Variants in PCDHGB4 observed in about 807,000 individuals in gnomAD.
The protein encoded by PCDHGB4 is protocadherin gamma subfamily B, 4.
Under a neutral mutation model 60.5 loss-of-function variants are expected in PCDHGB4, and 38 were observed. That is an observed-to-expected ratio of 0.63 (90% CI 0.48 to 0.82). The LOEUF (loss-of-function observed/expected upper bound fraction) is 0.82, where lower values mean the gene tolerates loss of function less well. Among genes scored for constraint, PCDHGB4 ranks in the 40% least tolerant of loss-of-function variants. PCDHGB4 has a pLI of 0.00. For missense variants in PCDHGB4, 1,109 were observed against 1,209.6 expected (o/e 0.92, Z 1.23); for synonymous variants, 456 against 509.7 (o/e 0.89, Z 1.42).
Position 141,388,206 on chromosome 5 carries a change from G to C in PCDHGB4, c.322G>C (p.Ala108Pro). ...GCCAGCTTGTGCTCTGGAATTTGAGGCTGTTGCTGAAAATCCACTGAACTT... is the reference window on the plus strand; with the variant it reads ...GCCAGCTTGTGCTCTGGAATTTGAGCCTGTTGCTGAAAATCCACTGAACTT... Reference protein sequence around the residue: ...KKPACALEFEAVAENPLNFYH... With the variant: ...KKPACALEFEPVAENPLNFYH... Residue 108 changes from alanine to proline, a missense_variant, in exon 1 of 4, where the codon GCT becomes CCT. Coordinates refer to ENST00000519479, the MANE Select transcript of PCDHGB4 (RefSeq NM_003736.4). 4 of 1,578,262 alleles carry C rather than the reference G, an allele frequency of 2.5e-6. No homozygotes were observed. In the South Asian group the frequency reaches 4.5e-5, roughly 18 times the overall value.
At position 141,489,947 on chromosome 5, in the gene PCDHGB4, A is replaced by G. The variant is rs368977481; in HGVS notation, c.2398-4860A>G. The G allele has an allele frequency of 5.4e-5, 87 of 1,614,090 alleles. No individual in the cohort carries two copies. Among genetic ancestry groups the G allele is most frequent in the South Asian group, 6.6e-5 (6 of 91,094 alleles). ...ATCTCTGTCATCGTGCTGGACATCA[A>G]TGATAATGCTCCAACCTTCCAATCC... On this transcript the variant is annotated intron_variant, in intron 1 of 3. Transcript: ENST00000519479. This position sits in a 1 kb window ranked among gnomAD's most constrained non-coding sequence, Gnocchi z 4.5.
chr5:141,421,593 G>A lies in PCDHGB4; in HGVS notation c.2397+31312G>A, dbSNP rs780085355. ...CCTTGAAGATTTACGGAGTGGAGGTGGAAATAATAGATATTAATGATAACG... is the reference window on the plus strand; with the variant it reads ...CCTTGAAGATTTACGGAGTGGAGGTAGAAATAATAGATATTAATGATAACG... On this transcript the variant is annotated intron_variant, in intron 1 of 3. Coordinates refer to ENST00000519479, the MANE Select transcript of PCDHGB4 (RefSeq NM_003736.4). 6 of 1,613,840 alleles carry A rather than the reference G, an allele frequency of 3.7e-6. No individual in the cohort carries two copies. In the East Asian group the frequency reaches 1.1e-4, roughly 30 times the overall value.
In PCDHGB4 at chr5:141,511,036, G is replaced by T; in HGVS notation, c.2635G>T (p.Val879Leu). The T allele has an allele frequency of 1.2e-6, 2 of 1,614,200 alleles. No homozygotes were observed. The highest frequency in any genetic ancestry group is 1.7e-6 in the Non-Finnish European group (2 of 1,180,024). Residue 879 changes from valine to leucine, a missense_variant, in exon 4 of 4, where the codon GTG (valine) becomes TTG (leucine). This residue lies in a region of PCDHGB4 where 1,068 missense variants were observed against 1,089.9 expected (regional missense o/e 0.98). Transcript: ENST00000519479. ...RYGPQFTLQHVPDYRQNVYIP... is the reference protein window; with the variant it reads ...RYGPQFTLQHLPDYRQNVYIP... Reference sequence around the variant, plus strand: ...CGGACCCCAGTTCACCCTGCAGCACGTGCCCGACTACCGCCAGAATGTCTA... The same window carrying T: ...CGGACCCCAGTTCACCCTGCAGCACTTGCCCGACTACCGCCAGAATGTCTA...
rs752341952 is a variant in PCDHGB4 at position 141,431,380 on chromosome 5, T to C, written c.2397+41099T>C. 10 of 1,613,902 alleles carry C rather than the reference T, an allele frequency of 6.2e-6. No homozygotes were observed. The highest frequency in any genetic ancestry group is 8.5e-6 in the Non-Finnish European group (10 of 1,180,024). ...CCCTGGACCGCGAAGAAAAGGCTGCTCACCACCTGGTCCTTACGGCCTCCG... is the reference window on the plus strand; with the variant it reads ...CCCTGGACCGCGAAGAAAAGGCTGCCCACCACCTGGTCCTTACGGCCTCCG... On this transcript the variant is annotated intron_variant, in intron 1 of 3. Transcript: ENST00000519479. The surrounding 1 kb of genome is among the most constrained non-coding windows in gnomAD (Gnocchi z 4.8).
At chr5:141,393,976 A>G in intron 1 of PCDHGB4, 1 of 1,613,856 alleles carries the variant, frequency 6.2e-7, no homozygotes, top group Non-Finnish European at 8.5e-7. Flanking sequence ...TACACACGTG[A>G]TAATTTACCT....
chr5:141,404,736 A>G, intron 1 of PCDHGB4: 1 of 1,613,622 alleles, frequency 6.2e-7, no homozygotes, highest in Non-Finnish European at 8.5e-7. Context: ...GTGGCAGTGG[A>G]CAGAGACTCA....
Position 141,477,187 on chromosome 5 carries a change from G to A in PCDHGB4, c.2398-17620G>A, listed in dbSNP as rs2154575648. ...CCCCGGAGATCACAGTCACCTCCGT[G>A]TACAGCCCAGTACCCGAGGATGCCC... On this transcript the variant is annotated intron_variant, in intron 1 of 3. Coordinates refer to ENST00000519479, the MANE Select transcript of PCDHGB4 (RefSeq NM_003736.4). The surrounding 1 kb of genome is among the most constrained non-coding windows in gnomAD (Gnocchi z 4.9). The A allele has an allele frequency of 6.2e-7, 1 of 1,614,190 alleles. No individual in the cohort carries two copies. The highest frequency in any genetic ancestry group is 2.2e-5 in the East Asian group (1 of 44,874).
At chr5:141,430,781 C>T (rs559701152) in intron 1 of PCDHGB4, 6 of 1,510,922 alleles carry the variant, frequency 4.0e-6, no homozygotes, top group South Asian at 2.7e-5. Context: ...GCGACTGCAC[C>T]GGGACTACAA....
intron 1 of PCDHGB4, among the ~76,000 whole-genome samples, chr5:141,450,823 A>ATTT: frequency 7.5e-6 from 1 of 133,136 alleles, no homozygotes; most frequent in African/African-American, 2.9e-5. Flanking sequence ...TAATATTATT[A>ATTT]TTATTATTTT....
At chr5:141,460,453 A>G (rs1487816393) in intron 1 of PCDHGB4, among the ~76,000 whole-genome samples, 1 of 152,152 alleles carries the variant, frequency 6.6e-6, no homozygotes, top group Non-Finnish European at 1.5e-5. Flanking sequence ...ATGAAGATTC[A>G]TATTTTTTTC....
intron 1 of PCDHGB4, among the ~76,000 whole-genome samples, chr5:141,484,675 T>C (rs1179759392): frequency 6.6e-6 from 1 of 152,042 alleles, no homozygotes; most frequent in African/African-American, 2.4e-5. Context: ...GGGCCGCAGG[T>C]TGCTAGGGCT....
At chr5:141,467,110 T>C (rs2099137137) in intron 1 of PCDHGB4, among the ~76,000 whole-genome samples, 1 of 151,604 alleles carries the variant, frequency 6.6e-6, no homozygotes, top group Non-Finnish European at 1.5e-5. Context: ...TGGAGTACAA[T>C]GGTGCAATCT....
chr5:141,393,453 G>A lies in PCDHGB4; in HGVS notation c.2397+3172G>A, dbSNP rs373805221. On this transcript the variant is annotated intron_variant, in intron 1 of 3. Coordinates refer to ENST00000519479, the MANE Select transcript of PCDHGB4 (RefSeq NM_003736.4). ...GGCTGCTCACCACCTGGTCCTCACGGCCTCGGATGGCGGCAAGCCGCCTCG... is the reference window on the plus strand; with the variant it reads ...GGCTGCTCACCACCTGGTCCTCACGACCTCGGATGGCGGCAAGCCGCCTCG... 113 of 1,613,920 alleles carry A rather than the reference G, an allele frequency of 7.0e-5. 1 individual carries two copies. The highest frequency in any genetic ancestry group is 8.9e-5 in the Non-Finnish European group (105 of 1,179,908).
intron 1 of PCDHGB4, chr5:141,478,597 C>T: frequency 6.4e-7 from 1 of 1,567,010 alleles, no homozygotes; most frequent in Non-Finnish European, 8.7e-7. Flanking sequence ...TTTATTCCTA[C>T]ATCATATTGA....
At position 141,491,561 on chromosome 5, in the gene PCDHGB4, A is replaced by C. The variant is rs1289732955; in HGVS notation, c.2398-3246A>C. The C allele has an allele frequency of 1.2e-6, 2 of 1,613,938 alleles. No homozygotes were observed. Among genetic ancestry groups the C allele is most frequent in the Admixed American group, 3.3e-5 (2 of 60,016 alleles). On this transcript the variant is annotated intron_variant, in intron 1 of 3. Transcript: ENST00000519479. This position sits in a 1 kb window ranked among gnomAD's most constrained non-coding sequence, Gnocchi z 6.9. ...CCCACAGACTCGCAGAGCCACTGCT[A>C]CAGGACGTGCTTTTCACCGGCCTCG...
Position 141,489,941 on chromosome 5 carries a change from A to G in PCDHGB4, c.2398-4866A>G. Reference sequence around the variant, plus strand: ...ACCCTTATCTCTGTCATCGTGCTGGACATCAATGATAATGCTCCAACCTTC... The same window carrying G: ...ACCCTTATCTCTGTCATCGTGCTGGGCATCAATGATAATGCTCCAACCTTC... On this transcript the variant is annotated intron_variant, in intron 1 of 3. Transcript: ENST00000519479. The surrounding 1 kb of genome is among the most constrained non-coding windows in gnomAD (Gnocchi z 4.5). 1.2e-6 allele frequency: 2 copies of G among 1,614,228 alleles called. No homozygotes were observed. The highest frequency in any genetic ancestry group is 1.7e-6 in the Non-Finnish European group (2 of 1,180,034).
intron 1 of PCDHGB4, chr5:141,403,362 G>C: frequency 6.2e-7 from 1 of 1,614,062 alleles, no homozygotes; most frequent in Non-Finnish European, 8.5e-7. Flanking sequence ...CAGGCCGAAA[G>C]TCTGGAAGTA....
chr5:141,410,024 G>T (rs771946302), intron 1 of PCDHGB4: 4 of 1,613,164 alleles, frequency 2.5e-6, no homozygotes, highest in Non-Finnish European at 3.4e-6. Flanking sequence ...GTCCTACCAC[G>T]TGCTGCAGGC....
chr5:141,504,380 C>T (rs943816582), intron 2 of PCDHGB4, among the ~76,000 whole-genome samples: 1 of 152,088 alleles, frequency 6.6e-6, no homozygotes, highest in African/African-American at 2.4e-5. Flanking sequence ...GGTGGAGTCG[C>T]TGCCTCACAG....
Sources: gnomAD v4.1 joint callset for allele counts (sites outside exome capture counted in the v4.1 genomes callset) on GRCh38, gnomAD v4.1.1 for gene constraint, gnomAD v4.1.1 regional missense constraint, Gnocchi (gnomAD v3.1) non-coding constraint, MANE v1.5 for transcripts, NCBI Gene and HGNC (gene_info 2026-07-23, HGNC 2026-07-21) for gene names.